The following SOX5 variants were observed in gnomAD, a reference collection of about 807,000 sequenced individuals.
SOX5 encodes the protein SRY-box transcription factor 5.
SOX5 carries 9 observed loss-of-function variants against 92.0 expected under a neutral mutation model. That is an observed-to-expected ratio of 0.10 (90% CI 0.06 to 0.17). SOX5 has a LOEUF of 0.17. Ranked by LOEUF, SOX5 falls within the 10% of genes least tolerant of loss-of-function variation. The pLI, the probability that SOX5 is intolerant of heterozygous loss-of-function variation, is 1.00. For synonymous variants in SOX5, 344 were observed against 336.3 expected (o/e 1.02, Z -0.25); for missense variants, 642 against 944.5 (o/e 0.68, Z 4.20).
At chr12:24,181,637 A>G (rs1955508627) in intron 4 of SOX5, among the ~76,000 whole-genome samples, 1 of 152,050 alleles carries the variant, frequency 6.6e-6, no homozygotes, top group South Asian at 2.1e-4. Context: ...CACAGGAAAA[A>G]CCCAGAAGCA....
At chr12:24,276,586 A>G (rs1944457507) in intron 3 of SOX5, among the ~76,000 whole-genome samples, 1 of 152,170 alleles carries the variant, frequency 6.6e-6, no homozygotes, top group Non-Finnish European at 1.5e-5. Flanking sequence ...TCAATCAATA[A>G]ATTAGAAAAG....
chr12:23,728,283 A>C (rs760615614), intron 6 of SOX5, among the ~76,000 whole-genome samples: 5 of 152,168 alleles, frequency 3.3e-5, no homozygotes, highest in Non-Finnish European at 7.4e-5. Flanking sequence ...ACATAGCAAA[A>C]CATTAGTTGG....
intron 7 of SOX5, among the ~76,000 whole-genome samples, chr12:23,658,563 A>G (rs183054506): frequency 2.9e-3 from 436 of 152,206 alleles, no homozygotes; most frequent in Non-Finnish European, 5.2e-3. Context: ...GGCAGAGGAG[A>G]GGGGAAGAGC....
chr12:24,348,992 T>C (rs1159401244), intron 2 of SOX5, among the ~76,000 whole-genome samples: 2 of 152,240 alleles, frequency 1.3e-5, no homozygotes, highest in African/African-American at 4.8e-5. Flanking sequence ...ATTAAACCTC[T>C]TTCCTTTATA....
rs867962504 is a variant in SOX5 at position 24,415,166 on chromosome 12, C to G, written c.-250-46527G>C. On this transcript the variant is annotated intron_variant, in intron 1 of 4. Transcript: ENST00000446891. ...AAAGTAAAATAGATATATCCCTCTG[C>G]TGATGTTCATGAACTAAAGGTAGTT... is the stretch of plus-strand genomic sequence containing the variant. Among the ~76,000 whole-genome samples the G allele has an allele frequency of 4.6e-5, 7 of 152,310 alleles. 1 individual carries two copies. The Middle Eastern group carries it at 0.02, about 444-fold the overall frequency.
chr12:23,661,321 T>C (rs918528540), intron 7 of SOX5, among the ~76,000 whole-genome samples: 2 of 152,132 alleles, frequency 1.3e-5, no homozygotes, highest in Admixed American at 6.6e-5. Flanking sequence ...TCATCTCTAA[T>C]TTCTACCTCT....
intron 1 of SOX5, chr12:23,919,914 C>T (rs1259823624): frequency 6.6e-6 from 1 of 152,134 alleles, no homozygotes; most frequent in Non-Finnish European, 1.5e-5. Flanking sequence ...TTGAAAAATA[C>T]AGAGTCCAAA....
intron 8 of SOX5, among the ~76,000 whole-genome samples, chr12:23,607,082 C>G (rs1338586082): frequency 6.6e-6 from 1 of 152,130 alleles, no homozygotes; most frequent in Non-Finnish European, 1.5e-5. Context: ...TCATATTTGG[C>G]TTCTGTGCAA....
Position 23,533,370 on chromosome 12 carries a change from A to C in SOX5, c.*849T>G, listed in dbSNP as rs1359720404. ...CAGTTTCCATTAAAAAAAAAAGTCAAATCTCACCAGCTGCTGGTATTTCAG... is the reference window on the plus strand; with the variant it reads ...CAGTTTCCATTAAAAAAAAAAGTCACATCTCACCAGCTGCTGGTATTTCAG... On this transcript the variant is annotated 3_prime_UTR_variant, in exon 15 of 15. Transcript: ENST00000451604. The C allele has an allele frequency of 1.2e-5, 3 of 242,004 alleles. No homozygotes were observed. In the Admixed American group the frequency reaches 1.4e-4, roughly 11 times the overall value. 15.0% of individuals were successfully genotyped at this position (242,004 alleles called of 1,614,324 possible).
intron 4 of SOX5, among the ~76,000 whole-genome samples, chr12:24,128,472 AGAGT>A (rs2138444673): frequency 6.6e-6 from 1 of 152,332 alleles, no homozygotes; most frequent in African/African-American, 2.4e-5. Flanking sequence ...CTAGCAGTAA[AGAGT>A]GAGCGACAAT....
At chr12:24,203,573 T>C (rs1239054850) in intron 4 of SOX5, among the ~76,000 whole-genome samples, 2 of 152,180 alleles carry the variant, frequency 1.3e-5, no homozygotes, top group African/African-American at 2.4e-5. Flanking sequence ...AAAAATCTAA[T>C]AACCAGGCTT....
At chr12:23,614,335 C>G (rs140336131) in intron 8 of SOX5, among the ~76,000 whole-genome samples, 104 of 152,244 alleles carry the variant, frequency 6.8e-4, no homozygotes, top group African/African-American at 2.5e-3. Context: ...TTTGAAATAA[C>G]ACATTCCTTT....
At chr12:23,626,150 G>A (rs2138250564) in intron 8 of SOX5, among the ~76,000 whole-genome samples, 1 of 151,974 alleles carries the variant, frequency 6.6e-6, no homozygotes, top group East Asian at 1.9e-4. Context: ...CAAGAAATAG[G>A]AACAGAAAGG....
chr12:23,577,191 A>AGATTTTTT (rs1949284581), intron 9 of SOX5, among the ~76,000 whole-genome samples: 1 of 61,390 alleles, frequency 1.6e-5, no homozygotes, highest in Non-Finnish European at 3.2e-5. Flanking sequence ...ATATATATAT[A>AGATTTTTT]TTTTTTTTTT....
intron 1 of SOX5, among the ~76,000 whole-genome samples, chr12:24,546,822 C>T (rs745765648): frequency 1.3e-5 from 2 of 152,228 alleles, no homozygotes; most frequent in Non-Finnish European, 2.9e-5. Flanking sequence ...GGGTTGACTT[C>T]CCCCAGGGCC....
intron 1 of SOX5, among the ~76,000 whole-genome samples, chr12:24,526,449 C>T (rs1000540259): frequency 1.1e-4 from 16 of 152,208 alleles, no homozygotes; most frequent in African/African-American, 4.8e-5. Context: ...TTACACATAG[C>T]GAAAACGCAA....
chr12:24,137,656 C>CA (rs1318059169), intron 4 of SOX5, among the ~76,000 whole-genome samples: 1 of 151,798 alleles, frequency 6.6e-6, no homozygotes, highest in African/African-American at 2.4e-5. Flanking sequence ...AAAACAAAAA[C>CA]AAAACAAAAA....
chr12:24,170,633 T>C (rs1015543125), intron 4 of SOX5, among the ~76,000 whole-genome samples: 5 of 152,122 alleles, frequency 3.3e-5, no homozygotes, highest in African/African-American at 1.2e-4. Flanking sequence ...ACCAATGAGA[T>C]TTATAGTACT....
chr12:23,802,556 G>T (rs1332051463), intron 3 of SOX5, among the ~76,000 whole-genome samples: 1 of 151,568 alleles, frequency 6.6e-6, no homozygotes, highest in Non-Finnish European at 1.5e-5. Flanking sequence ...TCTAAACACA[G>T]CTTGCTTATG....
Sources: gnomAD v4.1 joint callset for allele counts (sites outside exome capture counted in the v4.1 genomes callset) on GRCh38, gnomAD v4.1.1 for gene constraint, MANE v1.5 for transcripts, NCBI Gene and HGNC (gene_info 2026-07-23, HGNC 2026-07-21) for gene names.